The following GDPD4 variants were observed in gnomAD, a reference collection of about 807,000 sequenced individuals.
The protein encoded by GDPD4 is glycerophosphodiester phosphodiesterase 6.
Under a neutral mutation model 67.8 loss-of-function variants are expected in GDPD4, and 60 were observed. That is an observed-to-expected ratio of 0.88 (90% confidence interval 0.72 to 1.10). The LOEUF (loss-of-function observed/expected upper bound fraction) is 1.10, where lower values mean the gene tolerates loss of function less well. Among genes scored for constraint, GDPD4 ranks in the 50% least tolerant of loss-of-function variants. The pLI, the probability that GDPD4 is intolerant of heterozygous loss-of-function variation, is 0.00. For synonymous variants in GDPD4, 212 were observed against 210.9 expected, an observed-to-expected ratio of 1.00 and a Z score of -0.04; for missense variants, 623 against 613.9, an observed-to-expected ratio of 1.01 and a Z score of -0.16.
chr11:77,234,056 ATTT>A (rs950880810), intron 13 of GDPD4, among the ~76,000 whole-genome samples: 3 of 152,014 alleles, frequency 2.0e-5, no homozygotes, highest in Non-Finnish European at 4.4e-5. Context: ...CCTTCAAAAA[ATTT>A]TTTCAACTCT....
At chr11:77,250,728 C>G (rs958001186) in intron 11 of GDPD4, among the ~76,000 whole-genome samples, 1 of 152,144 alleles carries the variant, frequency 6.6e-6, no homozygotes, top group African/African-American at 2.4e-5. Flanking sequence ...TCTAGATGAT[C>G]TGTTCAATGC....
chr11:77,271,354 T>A lies in GDPD4; in HGVS notation c.247A>T (p.Met83Leu), dbSNP rs374581617. 3 of 1,613,680 alleles carry A rather than the reference T, an allele frequency of 1.9e-6. No individual in the cohort carries two copies. The highest frequency in any genetic ancestry group is 2.5e-6 in the Non-Finnish European group (3 of 1,179,788). The stretch of plus-strand genomic sequence containing the variant: ...TTCCAGAATTTGCATATAATGAACA[T>A]TAAAATGACACACAGAAGAATCACT... ...LLVILLCVIL[M>L]FIICKFWKER... is the part of the protein sequence containing the mutation. Residue 83 changes from methionine (M) to leucine (L), a missense_variant, in exon 6 of 17, where the codon ATG becomes TTG. Transcript: ENST00000315938.
intron 3 of GDPD4, among the ~76,000 whole-genome samples, chr11:77,281,626 G>C (rs1187369638): frequency 6.6e-6 from 1 of 152,182 alleles, no homozygotes; most frequent in African/African-American, 2.4e-5. Context: ...TTCTCTAGAA[G>C]GATTGGCTGA....
In GDPD4 at chr11:77,272,758, G is replaced by A. The variant is rs1034909610; in HGVS notation, c.208-1365C>T. On this transcript the variant is annotated intron_variant, in intron 5 of 16. Coordinates refer to ENST00000315938, the MANE Select transcript of GDPD4 (RefSeq NM_182833.3). Reference sequence around the variant, plus strand: ...ACCACTGCACTCCAGCCTGAGCAACGGAGTGAGACTCTGCCTCAAAAAAAA... The same window carrying A: ...ACCACTGCACTCCAGCCTGAGCAACAGAGTGAGACTCTGCCTCAAAAAAAA... Among the ~76,000 whole-genome samples, 19 of 151,690 alleles carry A rather than the reference G, an allele frequency of 1.3e-4. No homozygotes were observed. The South Asian group carries it at 1.5e-3, about 12-fold the overall frequency.
chr11:77,286,504 C>G (rs1345521563), intron 2 of GDPD4, among the ~76,000 whole-genome samples: 2 of 152,196 alleles, frequency 1.3e-5, no homozygotes, highest in African/African-American at 4.8e-5. Flanking sequence ...CCATTTCCTA[C>G]CCCTTTCCTT....
chr11:77,276,363 G>C (rs1467518690), intron 4 of GDPD4, 143 bp from the exon 5 acceptor site: 4 of 684,082 alleles, frequency 5.8e-6, no homozygotes, highest in Non-Finnish European at 1.0e-5. Context: ...TTAGCCTCTG[G>C]GAGTTTTCCA....
intron 1 of GDPD4, among the ~76,000 whole-genome samples, chr11:77,301,259 G>T (rs6592714): frequency 0.33 from 49,646 of 151,682 alleles, 8,463 homozygotes; most frequent in East Asian, 0.45. Flanking sequence ...CTCTAAAATC[G>T]ATTCCTCCTG....
chr11:77,292,594 G>C (rs373073021), intron 1 of GDPD4, among the ~76,000 whole-genome samples: 2 of 151,728 alleles, frequency 1.3e-5, no homozygotes, highest in East Asian at 1.9e-4. Context: ...AGAAGATTAG[G>C]AATAATAACA....
intron 11 of GDPD4, among the ~76,000 whole-genome samples, chr11:77,250,509 T>C (rs936233090): frequency 2.6e-5 from 4 of 152,212 alleles, no homozygotes; most frequent in East Asian, 3.8e-4. Flanking sequence ...TGTTATTCCA[T>C]TGTGGTCAGA....
At chr11:77,300,218 T>A (rs1327855246) in intron 1 of GDPD4, among the ~76,000 whole-genome samples, 1 of 151,912 alleles carries the variant, frequency 6.6e-6, no homozygotes, top group Non-Finnish European at 1.5e-5. Context: ...CTCTCTAAAT[T>A]AGCCAATTGG....
At chr11:77,266,985 C>A (rs1441639708) in intron 10 of GDPD4, among the ~76,000 whole-genome samples, 1 of 152,112 alleles carries the variant, frequency 6.6e-6, no homozygotes, top group Non-Finnish European at 1.5e-5. Context: ...CTAGGCCTTC[C>A]CATTCACTTA....
Position 77,285,154 on chromosome 11 carries a change from G to A in GDPD4, c.-17C>T, listed in dbSNP as rs1457670316. The A allele has an allele frequency of 6.2e-7, 1 of 1,600,694 alleles. No homozygotes were observed. Among genetic ancestry groups the A allele is most frequent in the Non-Finnish European group, 8.6e-7 (1 of 1,168,772 alleles). On this transcript the variant is annotated 5_prime_UTR_variant, in exon 3 of 17. Transcript: ENST00000315938. ...CAGCAACATCAGAGACAAGACAAAT[G>A]AAATTACCAGGCACGGCAAAATAAT...
At chr11:77,252,739 G>T (rs1958931415) in intron 11 of GDPD4, among the ~76,000 whole-genome samples, 1 of 152,174 alleles carries the variant, frequency 6.6e-6, no homozygotes, top group African/African-American at 2.4e-5. Context: ...TTCCTGGGTA[G>T]GTGCAGTGGT....
intron 16 of GDPD4, among the ~76,000 whole-genome samples, chr11:77,223,621 G>T (rs11501931): frequency 1.6e-4 from 25 of 152,168 alleles, no homozygotes; most frequent in Non-Finnish European, 2.6e-4. Context: ...TCTACTGGGC[G>T]GTGTCTCCCA....
At chr11:77,294,472 G>A (rs970047267) in intron 1 of GDPD4, among the ~76,000 whole-genome samples, 1 of 152,112 alleles carries the variant, frequency 6.6e-6, no homozygotes, top group Non-Finnish European at 1.5e-5. Context: ...AGAAATCAAA[G>A]AAGACTCAAG....
chr11:77,257,722 C>T (rs1203939277), intron 11 of GDPD4, among the ~76,000 whole-genome samples: 1 of 151,974 alleles, frequency 6.6e-6, no homozygotes, highest in East Asian at 1.9e-4. Flanking sequence ...CCAGAGGAAC[C>T]ATTCATACTT....
At chr11:77,255,958 A>C (rs976136435) in intron 11 of GDPD4, among the ~76,000 whole-genome samples, 11 of 152,246 alleles carry the variant, frequency 7.2e-5, no homozygotes, top group African/African-American at 2.7e-4. Flanking sequence ...GAATGTACTT[A>C]GAATTATGAA....
At chr11:77,217,364 C>G (rs748895145) in intron 16 of GDPD4, 50 bp from the exon 17 acceptor site, 11 of 1,398,286 alleles carry the variant, frequency 7.9e-6, no homozygotes, top group Non-Finnish European at 7.1e-6. Context: ...TCTCCACTCT[C>G]TGTCAGTCAT....
At chr11:77,285,608 T>G (rs1959962488) in intron 2 of GDPD4, among the ~76,000 whole-genome samples, 1 of 152,196 alleles carries the variant, frequency 6.6e-6, no homozygotes, top group Non-Finnish European at 1.5e-5. Context: ...TCTACCCCAT[T>G]GGAGAAGAAA....
Sources: allele counts gnomAD v4.1 joint callset (sites outside exome capture counted in the v4.1 genomes callset), GRCh38; gene constraint gnomAD v4.1.1; transcripts MANE v1.5; gene names NCBI Gene and HGNC (gene_info 2026-07-23, HGNC 2026-07-21).